ADGB: variants seen among roughly 807,000 people sequenced by gnomAD.
ADGB encodes androglobin, also known as calpain-7-like protein.
ADGB carries 172 observed loss-of-function variants against 210.5 expected under a neutral mutation model. The ratio of observed to expected loss-of-function variants is 0.82; its 90% CI spans 0.72 to 0.93. The LOEUF (loss-of-function observed/expected upper bound fraction) is 0.93, where lower values mean the gene tolerates loss of function less well. Ranked by LOEUF, ADGB falls within the 40% of genes least tolerant of loss-of-function variation. The pLI is 0.00. For missense variants in ADGB, 2,025 were observed against 1,964.8 expected (o/e 1.03, Z -0.58); for synonymous variants, 658 against 662.7 (o/e 0.99, Z 0.11).
chr6:146,695,432 G>A (rs1274037756), intron 12 of ADGB, among the ~76,000 whole-genome samples: 1 of 151,940 alleles, frequency 6.6e-6, no homozygotes, highest in Non-Finnish European at 1.5e-5. Flanking sequence ...ATTTAACATA[G>A]TAACTTGGAA....
At chr6:146,609,164 G>A (rs1007572092) in intron 1 of ADGB, among the ~76,000 whole-genome samples, 9 of 152,124 alleles carry the variant, frequency 5.9e-5, no homozygotes, top group Middle Eastern at 3.2e-3. Flanking sequence ...CTTAAAGTCT[G>A]TTTTGTCTGA....
chr6:146,737,160 C>G (rs182436650), intron 23 of ADGB, among the ~76,000 whole-genome samples: 1 of 151,624 alleles, frequency 6.6e-6, no homozygotes, highest in East Asian at 1.9e-4. Flanking sequence ...AAAAAAACCT[C>G]TAAACATGAC....
intron 9 of ADGB, among the ~76,000 whole-genome samples, chr6:146,684,913 CTCT>C (rs1776202012): frequency 1.3e-5 from 2 of 152,038 alleles, no homozygotes; most frequent in Non-Finnish European, 2.9e-5. Flanking sequence ...AAGTATGTTT[CTCT>C]AAGTTTGGCA....
chr6:146,672,957 C>T (rs1442718590), intron 8 of ADGB, among the ~76,000 whole-genome samples: 1 of 152,010 alleles, frequency 6.6e-6, no homozygotes, highest in Non-Finnish European at 1.5e-5. Context: ...TCTTGAACTC[C>T]TGACCTCAGG....
At chr6:146,743,269 A>G (rs1249238493) in intron 25 of ADGB, among the ~76,000 whole-genome samples, 2 of 152,222 alleles carry the variant, frequency 1.3e-5, no homozygotes, top group Non-Finnish European at 2.9e-5. Flanking sequence ...ATTTTGTATT[A>G]CTAGATAAAT....
rs79887163 is a variant in ADGB at position 146,698,861 on chromosome 6, T to A, written c.1578-2080T>A. On this transcript the variant is annotated intron_variant, in intron 12 of 35. Transcript: ENST00000397944. ...CCTCAGTCTCTTGAGTAGCTGGGAC[T>A]ACAGGCATGTTCCACCATGCCCAGC... Among the ~76,000 whole-genome samples, 485 of 152,218 alleles carry A rather than the reference T, an allele frequency of 3.2e-3. 11 individuals are homozygous for A. In the East Asian group the frequency reaches 0.078, roughly 25 times the overall value.
rs1396381420 is a variant in ADGB at position 146,635,407 on chromosome 6, G to A, written c.107G>A (p.Gly36Asp). Residue 36 changes from glycine (G) to aspartate (D), a missense_variant, in exon 2 of 36, where the codon GGT (glycine) becomes GAT (aspartate). By Grantham distance (94) the Gly-to-Asp change is moderately conservative. Coordinates refer to ENST00000397944, the MANE Select transcript of ADGB (RefSeq NM_024694.4). ...CCTTTTGGCAGTAATGTACAATCTG[G>A]TTCTACTGAACAAAAGAAGGGGAAA... is the stretch of plus-strand genomic sequence containing the variant. ...FYPFGSNVQS[G>D]STEQKKGKFP... is the part of the protein sequence containing the mutation. 1 of 1,546,010 alleles carries A rather than the reference G, an allele frequency of 6.5e-7. No individual in the cohort carries two copies.
chr6:146,756,793 T>C (rs1777412670), intron 27 of ADGB, among the ~76,000 whole-genome samples: 1 of 151,818 alleles, frequency 6.6e-6, no homozygotes, highest in Admixed American at 6.6e-5. Flanking sequence ...GCTGTAGTGA[T>C]CTCAGATCAC....
At chr6:146,807,074 C>T (rs1443942239) in intron 35 of ADGB, among the ~76,000 whole-genome samples, 2 of 152,118 alleles carry the variant, frequency 1.3e-5, no homozygotes, top group East Asian at 3.9e-4. Context: ...AGTTACTTTG[C>T]AAGAGACATT....
At chr6:146,685,882 C>T (rs182659133) in intron 10 of ADGB, 54 bp downstream of exon 10, 14 of 1,119,636 alleles carry the variant, frequency 1.3e-5, no homozygotes, top group Admixed American at 1.1e-4. Flanking sequence ...TGTGGGTGCA[C>T]GTGTGTGTGT....
At chr6:146,606,908 T>C (rs1453538701) in intron 1 of ADGB, among the ~76,000 whole-genome samples, 1 of 152,204 alleles carries the variant, frequency 6.6e-6, no homozygotes, top group Non-Finnish European at 1.5e-5. Flanking sequence ...CCATATGAAT[T>C]TTATGACTTT....
intron 13 of ADGB, among the ~76,000 whole-genome samples, chr6:146,704,516 C>T (rs1373189160): frequency 1.3e-5 from 2 of 152,000 alleles, no homozygotes; most frequent in Non-Finnish European, 2.9e-5. Flanking sequence ...TGACATTCCT[C>T]TTTTGTAAAT....
Position 146,691,081 on chromosome 6 carries a change from G to A in ADGB, c.1312-35G>A, listed in dbSNP as rs1244507802. The A allele has an allele frequency of 2.0e-6, 3 of 1,482,016 alleles. No individual in the cohort carries two copies. The South Asian group carries it at 4.1e-5, about 20-fold the overall frequency. 91.8% of individuals were successfully genotyped at this position (1,482,016 alleles called of 1,614,324 possible). A position where few individuals can be genotyped will look rare whatever the true frequency, so the allele number is the denominator to read the frequency against. Reference sequence around the variant, plus strand: ...TGGAAAAAGCATTGTTTTGAATGAAGGAGAATGCTTTTCAATTTACTTTCC... The same window carrying A: ...TGGAAAAAGCATTGTTTTGAATGAAAGAGAATGCTTTTCAATTTACTTTCC... On this transcript the variant is annotated intron_variant, in intron 10 of 35. Transcript: ENST00000397944.
At chr6:146,705,842 G>T (rs1291934538) in intron 13 of ADGB, among the ~76,000 whole-genome samples, 4 of 152,134 alleles carry the variant, frequency 2.6e-5, no homozygotes, top group Non-Finnish European at 4.4e-5. Flanking sequence ...GGAAGACTTT[G>T]AGAAGGATGG....
intron 35 of ADGB, among the ~76,000 whole-genome samples, chr6:146,813,888 A>G (rs1315950926): frequency 6.6e-6 from 1 of 152,188 alleles, no homozygotes; most frequent in East Asian, 1.9e-4. Flanking sequence ...CTGAGTTTTG[A>G]TTGAAGCCAT....
intron 12 of ADGB, among the ~76,000 whole-genome samples, chr6:146,699,662 C>T (rs1340818267): frequency 6.7e-6 from 1 of 150,056 alleles, no homozygotes; most frequent in African/African-American, 2.5e-5. Context: ...ACCTAAAATT[C>T]ACCACCACAC....
At chr6:146,763,668 A>T (rs1335514461) in intron 27 of ADGB, among the ~76,000 whole-genome samples, 1 of 152,206 alleles carries the variant, frequency 6.6e-6, no homozygotes, top group Non-Finnish European at 1.5e-5. Flanking sequence ...ACTGTTGTAT[A>T]TACTTTTAGA....
chr6:146,779,000 TAAG>T (rs1777759406), intron 29 of ADGB, among the ~76,000 whole-genome samples: 1 of 149,804 alleles, frequency 6.7e-6, no homozygotes, highest in South Asian at 2.1e-4. Flanking sequence ...TGGATTTCTG[TAAG>T]AATAGGAAAC....
intron 3 of ADGB, among the ~76,000 whole-genome samples, chr6:146,645,299 A>G (rs1191545610): frequency 6.6e-6 from 1 of 151,966 alleles, no homozygotes; most frequent in Non-Finnish European, 1.5e-5. Flanking sequence ...TTCTTGAAGC[A>G]TTTTCCAGAG....
Sources: allele counts gnomAD v4.1 joint callset (sites outside exome capture counted in the v4.1 genomes callset), GRCh38; gene constraint gnomAD v4.1.1; transcripts MANE v1.5; gene names NCBI Gene and HGNC (gene_info 2026-07-23, HGNC 2026-07-21).